Variants in LRP5 observed in about 807,000 individuals in gnomAD.
LRP5 encodes the protein LDL receptor related protein 5.
LRP5 carries 62 observed loss-of-function variants against 154.1 expected under a neutral mutation model. That is an observed-to-expected ratio of 0.40 (90% CI 0.33 to 0.50). The LOEUF (loss-of-function observed/expected upper bound fraction) is 0.50, where lower values mean the gene tolerates loss of function less well. LRP5 is among the 20% of genes least tolerant of loss of function. LRP5 has a pLI of 0.55. For missense variants in LRP5, 1,915 were observed against 2,336.7 expected, an observed-to-expected ratio of 0.82 and a Z score of 3.72; for synonymous variants, 966 against 1,011.5, an observed-to-expected ratio of 0.96 and a Z score of 0.85.
At position 68,376,732 on chromosome 11, in the gene LRP5, C is replaced by T. The variant is rs148180926; in HGVS notation, c.1016-9584C>T. ...AGTAACCGCTGCTGTCCATTGAACA[C>T]CTACTGTGTGCCTGGGTTCAGAAAG... On this transcript the variant is annotated intron_variant, in intron 5 of 22. Coordinates refer to ENST00000294304, the MANE Select transcript of LRP5 (RefSeq NM_002335.4). Among the ~76,000 whole-genome samples the T allele has an allele frequency of 6.2e-3, 937 of 152,348 alleles. 7 individuals carry two copies. Among genetic ancestry groups the T allele is most frequent in the African/African-American group, 0.02 (835 of 41,580 alleles).
the LRP5 span, among the ~76,000 whole-genome samples, chr11:68,305,818 C>CT: frequency 6.6e-6 from 1 of 152,190 alleles, no homozygotes; most frequent in Non-Finnish European, 1.5e-5. Context: ...CTTCAGTTTC[C>CT]TTTTCTGTAA....
intron 5 of LRP5, among the ~76,000 whole-genome samples, chr11:68,372,934 T>C (rs2098635106): frequency 6.6e-6 from 1 of 151,920 alleles, no homozygotes. Context: ...TGTGTCAGAA[T>C]CACTCAGACT....
intron 7 of LRP5, among the ~76,000 whole-genome samples, chr11:68,400,611 C>CT (rs1441374018): frequency 6.6e-6 from 1 of 151,994 alleles, no homozygotes; most frequent in African/African-American, 2.4e-5. Flanking sequence ...ATGGTGGCGC[C>CT]TGCCTATAAT....
At chr11:68,344,162 A>T (rs1591199380) in intron 1 of LRP5, among the ~76,000 whole-genome samples, 1 of 152,004 alleles carries the variant, frequency 6.6e-6, no homozygotes, top group East Asian at 1.9e-4. Context: ...GTCGCCTTTG[A>T]CCCTGAGTTT....
In LRP5 at chr11:68,312,700, C is replaced by T. The variant is rs1342723805; in HGVS notation, c.-15C>T. On this transcript the variant is annotated 5_prime_UTR_variant, in exon 1 of 23. Transcript: ENST00000294304. ...CGAGTGAGCGCGGCGCGGGCCCGTCCGGCCGCCGGACAACATGGAGGCAGC... is the reference window on the plus strand; with the variant it reads ...CGAGTGAGCGCGGCGCGGGCCCGTCTGGCCGCCGGACAACATGGAGGCAGC... The T allele has an allele frequency of 4.0e-6, 4 of 1,008,850 alleles. No individual in the cohort carries two copies. Among genetic ancestry groups the T allele is most frequent in the Non-Finnish European group, 2.4e-6 (2 of 846,716 alleles). 62.5% of individuals were successfully genotyped at this position (1,008,850 alleles called of 1,614,324 possible).
At chr11:68,438,721 G>A in intron 20 of LRP5, 39 bp downstream of exon 20, 2 of 1,587,878 alleles carry the variant, frequency 1.3e-6, no homozygotes, top group Non-Finnish European at 8.6e-7. Context: ...GGAGGAGGCA[G>A]GAGAGTAGTC....
chr11:68,335,477 A>G (rs959881438), intron 1 of LRP5, among the ~76,000 whole-genome samples: 4 of 151,982 alleles, frequency 2.6e-5, no homozygotes, highest in Non-Finnish European at 4.4e-5. Context: ...TGGGAGGATC[A>G]CTTGAGCCCA....
chr11:68,378,457 G>C (rs11228221), intron 5 of LRP5, among the ~76,000 whole-genome samples: 19,070 of 152,072 alleles, frequency 0.13, 1,498 homozygotes, highest in Non-Finnish European at 0.19. Flanking sequence ...TTCAGTGGAG[G>C]GGTAGGTGGC....
chr11:68,370,843 T>C (rs890175107), intron 5 of LRP5, among the ~76,000 whole-genome samples: 1 of 152,234 alleles, frequency 6.6e-6, no homozygotes, highest in Non-Finnish European at 1.5e-5. Flanking sequence ...ACTCTGAGCC[T>C]GAATCTTTCT....
chr11:68,401,775 G>T (rs942265287), intron 7 of LRP5, among the ~76,000 whole-genome samples: 1 of 151,912 alleles, frequency 6.6e-6, no homozygotes, highest in Non-Finnish European at 1.5e-5. Context: ...TGCAATCTTC[G>T]CTAGCTGCGT....
At chr11:68,375,058 T>A (rs1218623681) in intron 5 of LRP5, among the ~76,000 whole-genome samples, 1 of 152,244 alleles carries the variant, frequency 6.6e-6, no homozygotes, top group Non-Finnish European at 1.5e-5. Flanking sequence ...AGCTTCCCTT[T>A]ATCTTCAGTG....
intron 1 of LRP5, among the ~76,000 whole-genome samples, chr11:68,320,212 G>A (rs2098595976): frequency 6.6e-6 from 1 of 152,162 alleles, no homozygotes; most frequent in African/African-American, 2.4e-5. Flanking sequence ...CTAAAAGGCT[G>A]TAGCAGTTCA....
intron 5 of LRP5, among the ~76,000 whole-genome samples, chr11:68,371,663 C>A (rs1306048135): frequency 1.3e-5 from 2 of 152,274 alleles, no homozygotes; most frequent in African/African-American, 4.8e-5. Context: ...CGCCTGGCTG[C>A]TGACGGGACG....
At chr11:68,380,652 TC>T (rs973964617) in intron 5 of LRP5, among the ~76,000 whole-genome samples, 1 of 152,194 alleles carries the variant, frequency 6.6e-6, no homozygotes, top group African/African-American at 2.4e-5. Flanking sequence ...AGGGCTGGGC[TC>T]GGAGCTGCAC....
chr11:68,373,444 C>T (rs2098635519), intron 5 of LRP5, among the ~76,000 whole-genome samples: 1 of 152,198 alleles, frequency 6.6e-6, no homozygotes, highest in Non-Finnish European at 1.5e-5. Context: ...TACGTGGCCC[C>T]TGAGCTGCAG....
upstream of LRP5, among the ~76,000 whole-genome samples, chr11:68,310,311 G>A (rs2098586982): frequency 1.3e-5 from 2 of 152,068 alleles, no homozygotes; most frequent in African/African-American, 4.8e-5. Flanking sequence ...GGATCACCAG[G>A]CATGATGGCC....
In LRP5 at chr11:68,341,059, C is replaced by CCTTTTTTTTTTTTTTTTTTTTT. The variant is rs1555071026; in HGVS notation, c.92-6788_92-6787insCTTTTTTTTTTTTTTTTTTTTT. Among the ~76,000 whole-genome samples the CCTTTTTTTTTTTTTTTTTTTTT allele has an allele frequency of 8.5e-4, 71 of 83,466 alleles. 7 individuals are homozygous for CCTTTTTTTTTTTTTTTTTTTTT. The highest frequency in any genetic ancestry group is 2.8e-3 in the African/African-American group (59 of 21,006). 54.8% of individuals were successfully genotyped at this position (83,466 alleles called of 152,430 possible). A position where few individuals can be genotyped will look rare whatever the true frequency, so the allele number is the denominator to read the frequency against. ...GTTACCCCTGCCGCTGGAGATTGTTCTTTTTTTTTTTTTTTTTTTGCTATT... is the reference window on the plus strand; with the variant it reads ...GTTACCCCTGCCGCTGGAGATTGTTCCTTTTTTTTTTTTTTTTTTTTTTTTTTTTTTTTTTTTTTTTGCTATT... On this transcript the variant is annotated intron_variant, in intron 1 of 22. Coordinates refer to ENST00000294304, the MANE Select transcript of LRP5 (RefSeq NM_002335.4).
rs567426021 is a variant in LRP5, at chr11:68,406,584, A to G, written c.1862A>G (p.His621Arg). 6.2e-7 allele frequency: 1 copy of G among 1,614,158 alleles called. No homozygotes were observed. The highest frequency in any genetic ancestry group is 1.1e-5 in the South Asian group (1 of 91,086). Residue 621 changes from histidine (H) to arginine (R), a missense_variant, in exon 9 of 23, where the codon CAC becomes CGC. This residue lies in a region of LRP5 where 773 missense variants were observed against 1,100.9 expected (regional missense o/e 0.70). Coordinates refer to ENST00000294304, the MANE Select transcript of LRP5 (RefSeq NM_002335.4). Reference sequence around the variant, plus strand: ...AGCCACCTGTGCTTCTTCACACCCCACGCAACCCGGTGTGGCTGCCCCATC... The same window carrying G: ...AGCCACCTGTGCTTCTTCACACCCCGCGCAACCCGGTGTGGCTGCCCCATC... Reference protein sequence around the residue: ...GCSHLCFFTPHATRCGCPIGL... With the variant: ...GCSHLCFFTPRATRCGCPIGL...
chr11:68,392,990 G>C (rs1469911088), intron 7 of LRP5, among the ~76,000 whole-genome samples: 1 of 152,022 alleles, frequency 6.6e-6, no homozygotes, highest in Non-Finnish European at 1.5e-5. Context: ...ACTGAACGTG[G>C]TGGTGGTGGG....
Sources: gnomAD v4.1 joint callset for allele counts (sites outside exome capture counted in the v4.1 genomes callset) on GRCh38, gnomAD v4.1.1 for gene constraint, gnomAD v4.1.1 regional missense constraint, MANE v1.5 for transcripts, NCBI Gene and HGNC (gene_info 2026-07-23, HGNC 2026-07-21) for gene names.